The following TRAF3IP3 variants were observed in gnomAD, a reference collection of about 807,000 sequenced individuals.
TRAF3IP3 encodes TRAF3-interacting JNK-activating modulator.
Under a neutral mutation model 86.5 loss-of-function variants are expected in TRAF3IP3, and 64 were observed. The ratio of observed to expected loss-of-function variants is 0.74; its 90% confidence interval spans 0.60 to 0.91. The LOEUF (loss-of-function observed/expected upper bound fraction) is 0.91, where lower values mean the gene tolerates loss of function less well. Ranked by LOEUF, TRAF3IP3 falls within the 40% of genes least tolerant of loss-of-function variation. The pLI, the probability that TRAF3IP3 is intolerant of heterozygous loss-of-function variation, is 0.00. For missense variants in TRAF3IP3, 579 were observed against 642.9 expected (o/e 0.90, Z 1.07); for synonymous variants, 220 against 243.9 (o/e 0.90, Z 0.91).
chr1:209,761,322 G>T (rs1026953667), intron 3 of TRAF3IP3, among the ~76,000 whole-genome samples: 2 of 152,202 alleles, frequency 1.3e-5, no homozygotes, highest in Non-Finnish European at 2.9e-5. Context: ...CCCTTAGAGG[G>T]CCCATTAGTC....
chr1:209,775,787 T>C, intron 11 of TRAF3IP3, 51 bp downstream of exon 11: 1 of 1,535,594 alleles, frequency 6.5e-7, no homozygotes. Context: ...GGAGGAGGGA[T>C]GGTGATGAAA....
At chr1:209,767,994 C>A (rs1051021985) in intron 8 of TRAF3IP3, among the ~76,000 whole-genome samples, 4 of 152,120 alleles carry the variant, frequency 2.6e-5, no homozygotes, top group African/African-American at 4.8e-5. Flanking sequence ...TCCCCACCAA[C>A]CCCCTAGCTT....
chr1:209,764,743 C>CAAA lies in TRAF3IP3; in HGVS notation c.702+1172_702+1174dup, dbSNP rs58783495. Among the ~76,000 whole-genome samples the CAAA allele has an allele frequency of 1.9e-3, 186 of 99,862 alleles. 6 individuals are homozygous for CAAA. Among genetic ancestry groups the CAAA allele is most frequent in the African/African-American group, 6.0e-3 (169 of 28,118 alleles). The allele number at this position is 99,862 out of a possible 152,430, so 65.5% of individuals were successfully genotyped here. On this transcript the variant is annotated intron_variant, in intron 8 of 16. Transcript: ENST00000367025. ...TGGACAAAAGAGCGAGACTCCATCT[C>CAAA]AAAAAAAAAAAAAAAAAATCTAAAG...
At chr1:209,781,091 C>G (rs950365189) in intron 15 of TRAF3IP3, 1 of 242,024 alleles carries the variant, frequency 4.1e-6, no homozygotes, top group South Asian at 6.3e-5. Context: ...AGCACTTGCA[C>G]GTAAAGTCAT....
Position 209,780,494 on chromosome 1 carries a change from C to A in TRAF3IP3, c.1337C>A (p.Pro446Gln). 6.3e-7 allele frequency: 1 copy of A among 1,599,146 alleles called. No individual in the cohort carries two copies. The highest frequency in any genetic ancestry group is 8.5e-7 in the Non-Finnish European group (1 of 1,172,328). ...KKDQALPVWSPKSFPNEVEPE... is the reference protein window; with the variant it reads ...KKDQALPVWSQKSFPNEVEPE... The stretch of plus-strand genomic sequence containing the variant: ...GATCAGGCTTTGCCCGTGTGGAGTC[C>A]AAAGTCCTTCCCTAACGAAGTGGAG... The change falls in exon 15 of 17, where the codon CCA becomes CAA. Residue 446 changes from proline to glutamine, a missense_variant. By Grantham distance (76) the Pro-to-Gln change is moderately conservative (BLOSUM62 -1). Transcript: ENST00000367025.
chr1:209,764,983 C>T (rs1273968406), intron 8 of TRAF3IP3, among the ~76,000 whole-genome samples: 4 of 151,708 alleles, frequency 2.6e-5, no homozygotes, highest in East Asian at 1.9e-4. Context: ...GAGACCAGCC[C>T]GGCCAACATG....
Position 209,762,805 on chromosome 1 carries a change from T to C in TRAF3IP3, c.494-8T>C. ...AAGTTCTAAATCAACTTATCCTCCA[T>C]CTCTCAGGTACTCAGACAAAGGCAG... On this transcript the variant is annotated splice_polypyrimidine_tract_variant and splice_region_variant and intron_variant, in intron 4 of 16. Transcript: ENST00000367025. 1 of 1,538,504 alleles carries C rather than the reference T, an allele frequency of 6.5e-7. No homozygotes were observed. Among genetic ancestry groups the C allele is most frequent in the Non-Finnish European group, 8.7e-7 (1 of 1,148,300 alleles).
intron 6 of TRAF3IP3, 117 bp from the exon 7 acceptor site, chr1:209,763,246 G>A: frequency 7.0e-7 from 1 of 1,421,290 alleles, no homozygotes; most frequent in South Asian, 1.2e-5. Flanking sequence ...AAGGGACCCT[G>A]TCAGAGCCAA....
chr1:209,778,225 G>C, intron 13 of TRAF3IP3, 52 bp downstream of exon 13: 1 of 1,562,178 alleles, frequency 6.4e-7, no homozygotes. Context: ...CTGGGGTCCT[G>C]GCCCACAAAA....
At chr1:209,771,019 GAT>G (rs1491394636) in intron 8 of TRAF3IP3, among the ~76,000 whole-genome samples, 25 of 132,922 alleles carry the variant, frequency 1.9e-4, no homozygotes, top group Middle Eastern at 5.5e-3. Flanking sequence ...TGTGCATGTG[GAT>G]GTGTGTGTGT....
chr1:209,770,860 AGTGT>A (rs1208167712), intron 8 of TRAF3IP3, among the ~76,000 whole-genome samples: 1 of 108,754 alleles, frequency 9.2e-6, no homozygotes. Context: ...TGCATGTGAA[AGTGT>A]GTGTGTGCCA....
At chr1:209,763,314 T>C in intron 6 of TRAF3IP3, 49 bp from the exon 7 acceptor site, 1 of 1,601,636 alleles carries the variant, frequency 6.2e-7, no homozygotes, top group Non-Finnish European at 8.5e-7. Context: ...TATCCCAGGG[T>C]TTCAGGGGAC....
rs757480644 is a variant in TRAF3IP3, at chr1:209,779,315, G to T, written c.1253G>T (p.Gly418Val). 9.9e-6 allele frequency: 16 copies of T among 1,613,962 alleles called. No individual in the cohort carries two copies. Among genetic ancestry groups the T allele is most frequent in the African/African-American group, 1.3e-5 (1 of 74,922 alleles). ...ACAAGTTCCTTGTGTTTTCCAACAG[G>T]TTTGCTTCAAAATCAATCCTTACAG... ...TLVTRVQQLQGLLQNQSLQLQ... is the reference protein window; with the variant it reads ...TLVTRVQQLQVLLQNQSLQLQ... The change falls in exon 14 of 17, where the codon GGT becomes GTT. Residue 418 changes from glycine to valine, a missense_variant and splice_region_variant. By Grantham distance (109) the Gly-to-Val change is moderately radical. Coordinates refer to ENST00000367025, the MANE Select transcript of TRAF3IP3 (RefSeq NM_025228.4).
chr1:209,756,989 A>G (rs2077165328), intron 1 of TRAF3IP3, among the ~76,000 whole-genome samples: 1 of 152,188 alleles, frequency 6.6e-6, no homozygotes, highest in Admixed American at 6.5e-5. Flanking sequence ...TTTGAACCCT[A>G]CAGGGACCAG....
At chr1:209,779,420 T>C (rs759508035) in intron 14 of TRAF3IP3, 46 bp downstream of exon 14, 1 of 1,554,978 alleles carries the variant, frequency 6.4e-7, no homozygotes, top group East Asian at 2.2e-5. Context: ...GCTCTTCTCT[T>C]ACCTGCCTAG....
rs2077580243 is a variant in TRAF3IP3, at chr1:209,773,096, C to T, written c.774+77C>T. 12 of 1,301,884 alleles carry T rather than the reference C, an allele frequency of 9.2e-6. No individual in the cohort carries two copies. The East Asian group carries it at 3.0e-4, about 33-fold the overall frequency. The allele number at this position is 1,301,884 out of a possible 1,614,324, so 80.6% of individuals were successfully genotyped here. A position where few individuals can be genotyped will look rare whatever the true frequency, so the allele number is the denominator to read the frequency against. On this transcript the variant is annotated intron_variant, in intron 9 of 16. Transcript: ENST00000367025. ...AGAATGTTTTTGAACCTCAATCTTA[C>T]TTTCGAGAAACACCACCAGATAGAG...
At chr1:209,781,879 G>C (rs2077789250) in intron 16 of TRAF3IP3, 177 bp from the exon 17 acceptor site, 2 of 593,270 alleles carry the variant, frequency 3.4e-6, no homozygotes, top group South Asian at 4.0e-5. Flanking sequence ...AGAGAACATT[G>C]GTTAAGTGGT....
rs374219691 is a variant in TRAF3IP3 at position 209,780,544 on chromosome 1, G to C, written c.1387G>C (p.Asp463His). 21 of 1,602,524 alleles carry C rather than the reference G, an allele frequency of 1.3e-5. 1 individual carries two copies. The highest frequency in any genetic ancestry group is 1.5e-5 in the Non-Finnish European group (18 of 1,174,156). The stretch of plus-strand genomic sequence containing the variant: ...GCCTGAGGGTACAGGGAAGGAGAAA[G>C]ACTGGGATCTCAGAGACCAGCTGCA... ...VEPEGTGKEK[D>H]WDLRDQLQKK... Residue 463 changes from aspartate to histidine, a missense_variant, in exon 15 of 17, where the codon GAC becomes CAC. Coordinates refer to ENST00000367025, the MANE Select transcript of TRAF3IP3 (RefSeq NM_025228.4).
intron 15 of TRAF3IP3, 48 bp downstream of exon 15, chr1:209,780,654 A>C (rs2077757163): frequency 1.9e-5 from 28 of 1,461,974 alleles, no homozygotes; most frequent in Non-Finnish European, 2.4e-5. Context: ...GAAATAGCAG[A>C]GAAACCTGGG....
Sources: allele counts gnomAD v4.1 joint callset (sites outside exome capture counted in the v4.1 genomes callset), GRCh38; gene constraint gnomAD v4.1.1; transcripts MANE v1.5; gene names NCBI Gene and HGNC (gene_info 2026-07-23, HGNC 2026-07-21).